Variants in PDE9A observed in about 807,000 individuals in gnomAD.
PDE9A encodes high affinity cGMP-specific 3',5'-cyclic phosphodiesterase 9A.
PDE9A carries 60 observed loss-of-function variants against 87.4 expected under a neutral mutation model. The ratio of observed to expected loss-of-function variants is 0.69; its 90% CI spans 0.56 to 0.85. The LOEUF (loss-of-function observed/expected upper bound fraction) is 0.85. Ranked by LOEUF, PDE9A falls within the 40% of genes least tolerant of loss-of-function variation. The pLI is 0.00. For missense variants in PDE9A, 665 were observed against 779.0 expected, an observed-to-expected ratio of 0.85 and a Z score of 1.74; for synonymous variants, 272 against 279.4, an observed-to-expected ratio of 0.97 and a Z score of 0.27.
intron 17 of PDE9A, among the ~76,000 whole-genome samples, chr21:42,769,758 A>ACG: frequency 6.8e-6 from 1 of 146,556 alleles, no homozygotes; most frequent in Non-Finnish European, 1.5e-5. Context: ...ACACACAGGT[A>ACG]TGCACATGCA....
chr21:42,698,848 T>A (rs1515755), intron 3 of PDE9A, 120 bp from the exon 4 acceptor site: 366,000 of 567,344 alleles, frequency 0.65, 118,734 homozygotes, highest in East Asian at 0.88. Flanking sequence ...AAAATAAAAA[T>A]AAATAAAAAG....
At chr21:42,730,227 G>A (rs549437068) in intron 4 of PDE9A, among the ~76,000 whole-genome samples, 9 of 152,226 alleles carry the variant, frequency 5.9e-5, no homozygotes, top group Admixed American at 1.3e-4. Context: ...CCTTGAGCTC[G>A]CACCAGTTCA....
chr21:42,753,885 AAG>A lies in PDE9A; in HGVS notation c.736-103_736-102del. 4.8e-6 allele frequency: 3 copies of A among 620,370 alleles called. No homozygotes were observed. The East Asian group carries it at 8.9e-5, about 18-fold the overall frequency. The allele number at this position is 620,370 out of a possible 1,614,324, so 38.4% of individuals were successfully genotyped here. Reference sequence around the variant, plus strand: ...TCAAAAAAAAAAAAAAAAAGAAAGAAAGAAAAAGAAAGAGAACGGGAGAAAGA... The same window carrying A: ...TCAAAAAAAAAAAAAAAAAGAAAGAAAAAAAGAAAGAGAACGGGAGAAAGA... On this transcript the variant is annotated intron_variant, in intron 9 of 19. Coordinates refer to ENST00000291539, the MANE Select transcript of PDE9A (RefSeq NM_002606.3).
chr21:42,768,404 C>A, intron 16 of PDE9A, 112 bp downstream of exon 16: 1 of 1,021,832 alleles, frequency 9.8e-7, no homozygotes, highest in Non-Finnish European at 1.4e-6. Flanking sequence ...CCCGGGCTGC[C>A]GACAGTTCAG....
intron 4 of PDE9A, among the ~76,000 whole-genome samples, chr21:42,721,108 C>T (rs1384486277): frequency 6.6e-6 from 1 of 152,030 alleles, no homozygotes; most frequent in East Asian, 1.9e-4. Flanking sequence ...TTGATCTATA[C>T]AACAGTAAAG....
intron 8 of PDE9A, among the ~76,000 whole-genome samples, chr21:42,750,513 T>G (rs1602453061): frequency 2.7e-5 from 1 of 37,562 alleles, no homozygotes; most frequent in Non-Finnish European, 7.1e-5. Context: ...TTTTAGAATG[T>G]TTTTCTTTTG....
At chr21:42,761,583 C>T (rs1419724484) in intron 13 of PDE9A, among the ~76,000 whole-genome samples, 3 of 152,244 alleles carry the variant, frequency 2.0e-5, no homozygotes, top group African/African-American at 7.2e-5. Flanking sequence ...GAGAGCTCTG[C>T]TGCCATGTGT....
chr21:42,768,653 A>G (rs1042178344), intron 16 of PDE9A: 3 of 985,342 alleles, frequency 3.0e-6, no homozygotes, highest in Non-Finnish European at 3.6e-6. Context: ...GCTCACACAG[A>G]TGGCCACGGG....
intron 8 of PDE9A, among the ~76,000 whole-genome samples, chr21:42,748,639 C>A (rs748059620): frequency 6.6e-6 from 1 of 152,230 alleles, no homozygotes; most frequent in African/African-American, 2.4e-5. Context: ...AATGTCCCCC[C>A]AGTTTAAACC....
intron 10 of PDE9A, among the ~76,000 whole-genome samples, chr21:42,756,133 C>T (rs527457180): frequency 3.2e-4 from 48 of 152,356 alleles, no homozygotes; most frequent in African/African-American, 1.1e-3. Context: ...TCTCCCACGG[C>T]CCGTGGCTCC....
At chr21:42,769,455 C>G (rs930422299) in intron 17 of PDE9A, among the ~76,000 whole-genome samples, 4 of 106,622 alleles carry the variant, frequency 3.8e-5, no homozygotes, top group African/African-American at 1.7e-4. Context: ...CAGGCACACA[C>G]AGGCACACAA....
chr21:42,761,493 A>G (rs116711587), intron 13 of PDE9A, among the ~76,000 whole-genome samples: 2,611 of 152,350 alleles, frequency 0.017, 43 homozygotes, highest in South Asian at 0.047. Context: ...GGTCCAGGCC[A>G]TGGGCTTGGG....
At chr21:42,670,314 C>CACT (rs1569117459) in intron 1 of PDE9A, among the ~76,000 whole-genome samples, 1 of 116,662 alleles carries the variant, frequency 8.6e-6, no homozygotes, top group East Asian at 2.4e-4. Context: ...CACTTAGACA[C>CACT]CACACTCACA....
chr21:42,706,458 A>G (rs1277463500), intron 4 of PDE9A, among the ~76,000 whole-genome samples: 1 of 152,106 alleles, frequency 6.6e-6, no homozygotes, highest in East Asian at 1.9e-4. Flanking sequence ...CAGACTGGCC[A>G]ACATGGTGAA....
chr21:42,680,955 G>T (rs2059136238), intron 1 of PDE9A, among the ~76,000 whole-genome samples: 1 of 152,228 alleles, frequency 6.6e-6, no homozygotes, highest in Non-Finnish European at 1.5e-5. Context: ...AGGTGCCTTT[G>T]TTCACTCAGA....
In PDE9A at chr21:42,759,202, C is replaced by A; in HGVS notation, c.897+117C>A. ...CGGATGGCACTGCGCTCCCTGTGAG[C>A]AGAGGTGACATTTCCCCGGGAGTTC... is the stretch of plus-strand genomic sequence containing the variant. On this transcript the variant is annotated intron_variant, in intron 11 of 19. Transcript: ENST00000291539. This position sits in a 1 kb window ranked among gnomAD's most constrained non-coding sequence, Gnocchi z 7.2. 1 of 696,840 alleles carries A rather than the reference C, an allele frequency of 1.4e-6. No individual in the cohort carries two copies. Among genetic ancestry groups the A allele is most frequent in the Non-Finnish European group, 2.6e-6 (1 of 388,822 alleles). The allele number at this position is 696,840 out of a possible 1,614,324, so 43.2% of individuals were successfully genotyped here. A position where few individuals can be genotyped will look rare whatever the true frequency, so the allele number is the denominator to read the frequency against.
intron 1 of PDE9A, among the ~76,000 whole-genome samples, chr21:42,670,699 TCA>T (rs200058140): frequency 6.7e-5 from 10 of 149,426 alleles, no homozygotes; most frequent in South Asian, 6.4e-4. Flanking sequence ...GCTCACACAC[TCA>T]CACATACACT....
chr21:42,676,723 A>G (rs1332339945), intron 1 of PDE9A, among the ~76,000 whole-genome samples: 2 of 152,114 alleles, frequency 1.3e-5, no homozygotes, highest in Non-Finnish European at 2.9e-5. Flanking sequence ...CCTTCTCACA[A>G]TTGTCAACGG....
chr21:42,730,227 G>C (rs549437068), intron 4 of PDE9A, among the ~76,000 whole-genome samples: 1 of 152,108 alleles, frequency 6.6e-6, no homozygotes, highest in Non-Finnish European at 1.5e-5. Flanking sequence ...CCTTGAGCTC[G>C]CACCAGTTCA....
Sources: gnomAD v4.1 joint callset for allele counts (sites outside exome capture counted in the v4.1 genomes callset) on GRCh38, gnomAD v4.1.1 for gene constraint, Gnocchi (gnomAD v3.1) non-coding constraint, MANE v1.5 for transcripts, NCBI Gene and HGNC (gene_info 2026-07-23, HGNC 2026-07-21) for gene names.